ADGB: variants seen among roughly 807,000 people sequenced by gnomAD.
ADGB encodes androglobin.
In ADGB, 172 loss-of-function variants were observed where a neutral mutation model predicts 210.5. That is an observed-to-expected ratio of 0.82 (90% confidence interval 0.72 to 0.93). The LOEUF (loss-of-function observed/expected upper bound fraction) is 0.93. ADGB is among the 40% of genes least tolerant of loss of function. ADGB has a pLI of 0.00. For missense variants in ADGB, 2,025 were observed against 1,964.8 expected, an observed-to-expected ratio of 1.03 and a Z score of -0.58; for synonymous variants, 658 against 662.7, an observed-to-expected ratio of 0.99 and a Z score of 0.11.
At chr6:146,722,614 T>G (rs1776838137) in intron 17 of ADGB, among the ~76,000 whole-genome samples, 1 of 152,180 alleles carries the variant, frequency 6.6e-6, no homozygotes, top group Admixed American at 6.5e-5. Flanking sequence ...TCTCCCACTC[T>G]TATTTATTCC....
rs1418568277 is a variant in ADGB, at chr6:146,603,389, A to C, written c.74+4275A>C. On this transcript the variant is annotated intron_variant, in intron 1 of 35. Transcript: ENST00000397944. ...TATCATAGACAAGATAACAGAGACA[A>C]AAGAAGTCGTGCAGTTTAAGTATTG... is the stretch of plus-strand genomic sequence containing the variant. Among the ~76,000 whole-genome samples, 2 of 152,242 alleles carry C rather than the reference A, an allele frequency of 1.3e-5. 1 individual carries two copies. The highest frequency in any genetic ancestry group is 3.8e-4 in the East Asian group (2 of 5,204).
chr6:146,747,445 C>T (rs915752886), intron 26 of ADGB, among the ~76,000 whole-genome samples: 1 of 152,080 alleles, frequency 6.6e-6, no homozygotes, highest in Admixed American at 6.6e-5. Flanking sequence ...AGTCATCAAG[C>T]TGAGTGGTGA....
intron 9 of ADGB, among the ~76,000 whole-genome samples, chr6:146,684,235 T>G (rs973847449): frequency 6.6e-6 from 1 of 152,124 alleles, no homozygotes; most frequent in East Asian, 1.9e-4. Flanking sequence ...CATTTAATCT[T>G]ATCTTCTTCC....
At chr6:146,741,380 C>A in intron 25 of ADGB, 109 bp downstream of exon 25, 1 of 930,596 alleles carries the variant, frequency 1.1e-6, no homozygotes, top group Non-Finnish European at 1.6e-6. Context: ...ACTTAACAGA[C>A]AAATAAGGCC....
At chr6:146,743,083 G>C (rs1023591577) in intron 25 of ADGB, among the ~76,000 whole-genome samples, 14 of 152,114 alleles carry the variant, frequency 9.2e-5, no homozygotes, top group African/African-American at 3.4e-4. Context: ...CCACACACCA[G>C]TAGATGATTT....
intron 28 of ADGB, among the ~76,000 whole-genome samples, chr6:146,768,056 A>T (rs77374338): frequency 6.6e-6 from 1 of 152,362 alleles, no homozygotes; most frequent in African/African-American, 2.4e-5. Flanking sequence ...AAAGCTTAAC[A>T]CTTGAATAAA....
At chr6:146,757,294 GT>G (rs1447778130) in intron 27 of ADGB, among the ~76,000 whole-genome samples, 1 of 151,806 alleles carries the variant, frequency 6.6e-6, no homozygotes, top group African/African-American at 2.4e-5. Flanking sequence ...TTTGTTAATA[GT>G]AGTAGATTTG....
At chr6:146,769,265 A>G in intron 29 of ADGB, 134 bp downstream of exon 29, 1 of 476,252 alleles carries the variant, frequency 2.1e-6, no homozygotes, top group Non-Finnish European at 3.8e-6. Context: ...TTTGTACTCT[A>G]TATCCTGTTA....
intron 20 of ADGB, among the ~76,000 whole-genome samples, chr6:146,730,409 C>T (rs777041952): frequency 2.0e-5 from 3 of 152,156 alleles, no homozygotes; most frequent in Non-Finnish European, 4.4e-5. Flanking sequence ...CCATTTCACA[C>T]ATACCATCAA....
intron 29 of ADGB, among the ~76,000 whole-genome samples, chr6:146,781,075 C>G (rs895145590): frequency 2.6e-5 from 4 of 151,480 alleles, no homozygotes; most frequent in Admixed American, 2.0e-4. Flanking sequence ...CGCCTGTAAT[C>G]CCAGCACTTT....
In ADGB at chr6:146,635,429, G is replaced by T. The variant is rs1775403855; in HGVS notation, c.129G>T (p.Gly43=). 6.5e-7 allele frequency: 1 copy of T among 1,546,120 alleles called. No homozygotes were observed. The highest frequency in any genetic ancestry group is 8.7e-7 in the Non-Finnish European group (1 of 1,144,036). The change falls in exon 2 of 36, where the codon GGG becomes GGT. Residue 43 remains glycine (G), a synonymous_variant. Coordinates refer to ENST00000397944, the MANE Select transcript of ADGB (RefSeq NM_024694.4). ...CTGGTTCTACTGAACAAAAGAAGGG[G>T]AAATTCCCACTCTGGCCAGAGTGGA... ...VQSGSTEQKK[G]KFPLWPEWSE...
At chr6:146,698,983 A>G (rs577391621) in intron 12 of ADGB, among the ~76,000 whole-genome samples, 4 of 152,288 alleles carry the variant, frequency 2.6e-5, no homozygotes, top group Non-Finnish European at 4.4e-5. Context: ...GAACACAAAC[A>G]TTTAGTCACA....
intron 1 of ADGB, among the ~76,000 whole-genome samples, chr6:146,612,732 C>CT (rs1299449830): frequency 1.3e-5 from 2 of 151,916 alleles, no homozygotes; most frequent in Non-Finnish European, 2.9e-5. Context: ...TGGTCCTGCT[C>CT]TTTTTAAAAA....
intron 8 of ADGB, among the ~76,000 whole-genome samples, chr6:146,675,038 A>C (rs1295464078): frequency 6.6e-6 from 1 of 152,208 alleles, no homozygotes; most frequent in African/African-American, 2.4e-5. Flanking sequence ...AAATTCACAA[A>C]TAAAATTTTG....
chr6:146,669,055 A>G (rs994852752), intron 7 of ADGB, among the ~76,000 whole-genome samples: 2 of 152,246 alleles, frequency 1.3e-5, no homozygotes, highest in Non-Finnish European at 2.9e-5. Context: ...GATGGGAAAT[A>G]CAACCTAGAT....
chr6:146,640,350 C>T (rs1188472487), intron 2 of ADGB, among the ~76,000 whole-genome samples: 2 of 151,978 alleles, frequency 1.3e-5, no homozygotes, highest in African/African-American at 2.4e-5. Context: ...GAGCTGGTAC[C>T]ATTTCTACTG....
At chr6:146,674,826 T>C (rs1237490364) in intron 8 of ADGB, among the ~76,000 whole-genome samples, 1 of 152,158 alleles carries the variant, frequency 6.6e-6, no homozygotes, top group Non-Finnish European at 1.5e-5. Context: ...CACATTTTGG[T>C]GAGCACTGTT....
intron 8 of ADGB, among the ~76,000 whole-genome samples, chr6:146,675,823 G>T (rs546777105): frequency 2.0e-5 from 3 of 152,282 alleles, no homozygotes; most frequent in African/African-American, 7.2e-5. Flanking sequence ...GCAATAAGAT[G>T]CTGGTTTGGG....
chr6:146,600,523 C>T (rs1464999526), intron 1 of ADGB, among the ~76,000 whole-genome samples: 1 of 152,146 alleles, frequency 6.6e-6, no homozygotes, highest in Non-Finnish European at 1.5e-5. Flanking sequence ...TCCCTTCCTT[C>T]AGGAGTTTAC....
Sources: gnomAD v4.1 joint callset for allele counts (sites outside exome capture counted in the v4.1 genomes callset) on GRCh38, gnomAD v4.1.1 for gene constraint, MANE v1.5 for transcripts, NCBI Gene and HGNC (gene_info 2026-07-23, HGNC 2026-07-21) for gene names.